Variants in PLOD2 observed in about 807,000 individuals in gnomAD.
PLOD2 encodes lysine hydroxylase 2.
In PLOD2, 65 loss-of-function variants were observed where a neutral mutation model predicts 101.0. That is an observed-to-expected ratio of 0.64 (90% CI 0.53 to 0.79). The LOEUF (loss-of-function observed/expected upper bound fraction) is 0.79, where lower values mean the gene tolerates loss of function less well. Ranked by LOEUF, PLOD2 falls within the 30% of genes least tolerant of loss-of-function variation. The pLI, the probability that PLOD2 is intolerant of heterozygous loss-of-function variation, is 0.00. For synonymous variants in PLOD2, 314 were observed against 302.9 expected (o/e 1.04, Z -0.38); for missense variants, 909 against 914.6 (o/e 0.99, Z 0.08).
At chr3:146,072,040 G>A (rs4681293) in intron 17 of PLOD2, among the ~76,000 whole-genome samples, 117,955 of 151,584 alleles carry the variant, frequency 0.78, 45,969 homozygotes, top group East Asian at 0.83. Context: ...TTCTCAGAGG[G>A]AAAGAAACAC....
At chr3:146,144,353 T>C (rs1344169612) in intron 1 of PLOD2, among the ~76,000 whole-genome samples, 1 of 152,072 alleles carries the variant, frequency 6.6e-6, no homozygotes, top group African/African-American at 2.4e-5. Flanking sequence ...CAGACACTAT[T>C]TTCCCCTAAA....
rs531244923 is a variant in PLOD2, at chr3:146,132,960, T to C, written c.110-8731A>G. On this transcript the variant is annotated intron_variant, in intron 1 of 19. Transcript: ENST00000282903. ...TTGGGAGGCCAAGGTGGGCGGATCATGAGGTCAGGAGATCGAGACCATCCT... is the reference window on the plus strand; with the variant it reads ...TTGGGAGGCCAAGGTGGGCGGATCACGAGGTCAGGAGATCGAGACCATCCT... 1.8e-3 allele frequency among the ~76,000 whole-genome samples: 275 copies of C among 152,184 alleles called. 1 individual carries two copies. The highest frequency in any genetic ancestry group is 0.01 in the Middle Eastern group (3 of 294).
intron 15 of PLOD2, 28 bp downstream of exon 15, chr3:146,076,754 A>G (rs1936355572): frequency 9.5e-7 from 1 of 1,051,694 alleles, no homozygotes; most frequent in African/African-American, 1.6e-5. Flanking sequence ...TTATAGAAAA[A>G]TAATAAAGTT....
intron 1 of PLOD2, among the ~76,000 whole-genome samples, chr3:146,131,837 A>G (rs2030929741): frequency 6.6e-6 from 1 of 152,194 alleles, no homozygotes; most frequent in South Asian, 2.1e-4. Context: ...ATTTTGTGGA[A>G]TTGTTGAAGA....
At chr3:146,096,918 T>G (rs1468328259) in intron 7 of PLOD2, among the ~76,000 whole-genome samples, 24 of 104,974 alleles carry the variant, frequency 2.3e-4, no homozygotes, top group African/African-American at 4.3e-4. Flanking sequence ...GTCCAGGAGG[T>G]GAGGGGCGCC....
At chr3:146,076,750 A>T in intron 15 of PLOD2, 32 bp downstream of exon 15, 1 of 1,030,568 alleles carries the variant, frequency 9.7e-7, no homozygotes, top group Non-Finnish European at 1.5e-6. Context: ...ACAGTTATAG[A>T]AAAATAATAA....
Position 146,085,223 on chromosome 3 carries a change from G to T in PLOD2, c.1178C>A (p.Ala393Glu), listed in dbSNP as rs868797188. Residue 393 changes from alanine to glutamate, a missense_variant, in exon 11 of 20, where the codon GCA becomes GAA. Transcript: ENST00000282903. The part of the protein sequence containing the change: ...EKCDYYFSVD[A>E]DVVLTNPRTL... ...CCTTGGATTTGTCAAAACAACATCT[G>T]CATCCACACTAAAGTAATAATCACA... 1 of 1,608,590 alleles carries T rather than the reference G, an allele frequency of 6.2e-7. No individual in the cohort carries two copies. Among genetic ancestry groups the T allele is most frequent in the African/African-American group, 1.3e-5 (1 of 74,718 alleles).
intron 12 of PLOD2, 90 bp downstream of exon 12, chr3:146,081,648 T>C (rs1170249398): frequency 9.2e-7 from 1 of 1,085,902 alleles, no homozygotes; most frequent in African/African-American, 1.6e-5. Context: ...AGAAAAGAGA[T>C]GAATGCAAAA....
chr3:146,110,376 G>C lies in PLOD2; in HGVS notation c.411C>G (p.Val137=), dbSNP rs1178406866. 6.2e-7 allele frequency: 1 copy of C among 1,613,472 alleles called. No homozygotes were observed. Among genetic ancestry groups the C allele is most frequent in the Admixed American group, 1.7e-5 (1 of 59,990 alleles). Residue 137 remains valine, a synonymous_variant, in exon 4 of 20, where the codon GTC becomes GTG. Transcript: ENST00000282903. ...KKFQKANHKV[V]FAADGILWPD... ...GCCACAAAATTCCATCTGCTGCAAA[G>C]ACCACTTTGTGGTTTGCCTTTTGGA...
rs370760381 is a variant in PLOD2 at position 146,079,100 on chromosome 3, T to C, written c.1500+16A>G. On this transcript the variant is annotated intron_variant, in intron 13 of 19. Transcript: ENST00000282903. ...CTTATAAGAACATTCAAGCAAGCCA[T>C]CACTGCATATCTTACCATTTCTCTA... The C allele has an allele frequency of 5.6e-5, 90 of 1,611,010 alleles. No individual in the cohort carries two copies. Among genetic ancestry groups the C allele is most frequent in the Non-Finnish European group, 8.5e-6 (10 of 1,177,546 alleles).
intron 1 of PLOD2, among the ~76,000 whole-genome samples, chr3:146,143,576 A>G (rs561129720): frequency 6.6e-6 from 1 of 151,954 alleles, no homozygotes; most frequent in Non-Finnish European, 1.5e-5. Flanking sequence ...CCCTGTATCT[A>G]CCCTGGCCAT....
chr3:146,103,936 T>C (rs1937483442), intron 6 of PLOD2, among the ~76,000 whole-genome samples: 1 of 151,942 alleles, frequency 6.6e-6, no homozygotes, highest in Non-Finnish European at 1.5e-5. Context: ...TCTACTCTAA[T>C]ACTCTGGGTA....
chr3:146,114,098 G>A (rs1321237257), intron 3 of PLOD2, among the ~76,000 whole-genome samples: 1 of 152,108 alleles, frequency 6.6e-6, no homozygotes, highest in Non-Finnish European at 1.5e-5. Context: ...GTAAATTTTA[G>A]TCAGACCAGT....
Position 146,142,900 on chromosome 3 carries a change from C to A in PLOD2, c.109+17981G>T, listed in dbSNP as rs576964441. 2.0e-5 allele frequency among the ~76,000 whole-genome samples: 3 copies of A among 152,254 alleles called. No individual in the cohort carries two copies. In the East Asian group the frequency reaches 5.8e-4, roughly 29 times the overall value. ...GACTCAGGGACTCTCTGCAGCAGCA[C>A]TGATCTTACAGTCATGTAGCCAGAT... is the stretch of plus-strand genomic sequence containing the variant. On this transcript the variant is annotated intron_variant, in intron 1 of 19. Coordinates refer to ENST00000282903, the MANE Select transcript of PLOD2 (RefSeq NM_182943.3).
chr3:146,128,890 T>C, intron 1 of PLOD2, among the ~76,000 whole-genome samples: 1 of 138,066 alleles, frequency 7.2e-6, no homozygotes, highest in East Asian at 2.1e-4. Flanking sequence ...CTTTTTTTTT[T>C]TTTTTTTTTT....
chr3:146,160,901 T>G lies in PLOD2; in HGVS notation c.89A>C (p.Lys30Thr), dbSNP rs750997809. The G allele has an allele frequency of 6.9e-6, 11 of 1,587,756 alleles. No homozygotes were observed. The Admixed American group carries it at 1.6e-4, about 23-fold the overall frequency. Residue 30 changes from lysine (K) to threonine (T), a missense_variant, in exon 1 of 20, where the codon AAG becomes ACG. By Grantham distance (78) the Lys-to-Thr change is moderately conservative. Coordinates refer to ENST00000282903, the MANE Select transcript of PLOD2 (RefSeq NM_182943.3). ...CTCACCTGTGGGGATGCTCGAGGGC[T>G]TCTCCGAGTCCGCACCCAGACAGGG... ...WNPCLGADSE[K>T]PSSIPTDKLL...
chr3:146,103,386 C>G (rs1398452470), intron 6 of PLOD2, among the ~76,000 whole-genome samples: 5 of 152,000 alleles, frequency 3.3e-5, no homozygotes, highest in Admixed American at 6.6e-5. Flanking sequence ...AGATAAAACT[C>G]AAGTCAGAGA....
intron 12 of PLOD2, among the ~76,000 whole-genome samples, chr3:146,081,127 A>G (rs1007373932): frequency 3.3e-5 from 5 of 152,146 alleles, no homozygotes; most frequent in African/African-American, 1.2e-4. Context: ...TACCTTAGCA[A>G]AACTATTTCA....
At chr3:146,132,562 AAAATTTT>A in intron 1 of PLOD2, among the ~76,000 whole-genome samples, 1 of 152,070 alleles carries the variant, frequency 6.6e-6, no homozygotes, top group East Asian at 1.9e-4. Context: ...TTTTCAAATA[AAAATTTT>A]ATACATGCCA....
Sources: gnomAD v4.1 joint callset for allele counts (sites outside exome capture counted in the v4.1 genomes callset) on GRCh38, gnomAD v4.1.1 for gene constraint, MANE v1.5 for transcripts, NCBI Gene and HGNC (gene_info 2026-07-23, HGNC 2026-07-21) for gene names.